Variants in KHDRBS2 observed in about 807,000 individuals in gnomAD.
KHDRBS2 encodes the protein KH RNA binding domain containing, signal transduction associated 2.
In KHDRBS2, 26 loss-of-function variants were observed where a neutral mutation model predicts 44.3. That is an observed-to-expected ratio of 0.59 (90% confidence interval 0.43 to 0.81). The LOEUF (loss-of-function observed/expected upper bound fraction) is 0.81, where lower values mean the gene tolerates loss of function less well. KHDRBS2 is among the 40% of genes least tolerant of loss of function. KHDRBS2 has a pLI of 0.00. For missense variants in KHDRBS2, 476 were observed against 433.1 expected (o/e 1.10, Z -0.88); for synonymous variants, 194 against 151.1 (o/e 1.28, Z -2.08).
At chr6:61,777,537 T>A (rs982885466) in intron 6 of KHDRBS2, among the ~76,000 whole-genome samples, 5 of 151,986 alleles carry the variant, frequency 3.3e-5, no homozygotes, top group Admixed American at 6.6e-5. Context: ...TGGAAAAAAA[T>A]TTAAAACTCA....
intron 3 of KHDRBS2, among the ~76,000 whole-genome samples, chr6:61,988,983 A>G (rs1039183637): frequency 5.3e-5 from 8 of 152,230 alleles, no homozygotes; most frequent in African/African-American, 1.9e-4. Context: ...GAAGTTGAGG[A>G]GATGAAATTC....
intron 1 of KHDRBS2, among the ~76,000 whole-genome samples, chr6:62,243,603 A>G (rs1835054281): frequency 1.6e-5 from 2 of 127,214 alleles, no homozygotes; most frequent in East Asian, 2.1e-4. Flanking sequence ...TCATACCTAT[A>G]CAAAAAAAAA....
intron 2 of KHDRBS2, among the ~76,000 whole-genome samples, chr6:62,104,310 A>G (rs1008141986): frequency 3.9e-5 from 6 of 152,004 alleles, no homozygotes; most frequent in Non-Finnish European, 7.4e-5. Flanking sequence ...TTTTAATTAT[A>G]CTTTAAGTTT....
intron 4 of KHDRBS2, among the ~76,000 whole-genome samples, chr6:61,955,172 G>T (rs1439830244): frequency 7.5e-6 from 1 of 133,656 alleles, no homozygotes; most frequent in Non-Finnish European, 1.7e-5. Flanking sequence ...ATACATATGT[G>T]TATATACACA....
intron 2 of KHDRBS2, among the ~76,000 whole-genome samples, chr6:62,161,364 ATAT>A (rs1344004507): frequency 3.3e-5 from 5 of 151,264 alleles, no homozygotes; most frequent in Admixed American, 6.6e-5. Flanking sequence ...AAAAAATAAA[ATAT>A]AATAATATAA....
chr6:62,085,841 G>A (rs796544256), intron 2 of KHDRBS2, among the ~76,000 whole-genome samples: 7 of 152,294 alleles, frequency 4.6e-5, no homozygotes, highest in African/African-American at 1.7e-4. Flanking sequence ...GAAAGACAGT[G>A]ATGGGAGGGA....
chr6:61,649,992 A>T, the KHDRBS2 span, among the ~76,000 whole-genome samples: 1 of 152,112 alleles, frequency 6.6e-6, no homozygotes, highest in African/African-American at 2.4e-5. Flanking sequence ...AAAACCCTGC[A>T]TCTTCAGACC....
At chr6:61,774,130 C>CT (rs1381292303) in intron 6 of KHDRBS2, among the ~76,000 whole-genome samples, 14 of 152,076 alleles carry the variant, frequency 9.2e-5, no homozygotes, top group African/African-American at 3.1e-4. Context: ...GATGCAGGCT[C>CT]TTTTTTGGTG....
At chr6:61,855,624 C>CTTTGTTTTGT (rs3076295) in intron 6 of KHDRBS2, among the ~76,000 whole-genome samples, 8,246 of 149,712 alleles carry the variant, frequency 0.055, 428 homozygotes, top group South Asian at 0.2. Context: ...ATGCCTGGTG[C>CTTTGTTTTGT]TTTGTTTTGT....
In KHDRBS2 at chr6:61,870,197, C is replaced by T. The variant is rs556542138; in HGVS notation, c.810+24438G>A. 5.3e-5 allele frequency among the ~76,000 whole-genome samples: 8 copies of T among 152,028 alleles called. No individual in the cohort carries two copies. In the South Asian group the frequency reaches 1.7e-3, roughly 32 times the overall value. The stretch of plus-strand genomic sequence containing the variant: ...GACCTGGGATGCTCGAGCTTGGTGG[C>T]GGTGTGGAGCGGGGTGGGCATTTGC... On this transcript the variant is annotated intron_variant, in intron 6 of 8. Coordinates refer to ENST00000281156, the MANE Select transcript of KHDRBS2 (RefSeq NM_152688.4).
intron 7 of KHDRBS2, among the ~76,000 whole-genome samples, chr6:61,730,568 T>C (rs1774292186): frequency 6.6e-6 from 1 of 151,994 alleles, no homozygotes; most frequent in African/African-American, 2.4e-5. Flanking sequence ...TATAGAAAAG[T>C]AAATATATGG....
intron 2 of KHDRBS2, among the ~76,000 whole-genome samples, chr6:62,145,084 A>T (rs543970093): frequency 6.6e-6 from 1 of 152,124 alleles, no homozygotes; most frequent in East Asian, 1.9e-4. Context: ...TACAGCTTGC[A>T]GAGCCATGAG....
chr6:62,105,776 C>A (rs979640678), intron 2 of KHDRBS2, among the ~76,000 whole-genome samples: 6 of 152,040 alleles, frequency 3.9e-5, no homozygotes, highest in African/African-American at 1.4e-4. Flanking sequence ...TCTCTATTTC[C>A]TTCAGTTCTG....
chr6:61,894,699 C>T lies in KHDRBS2; in HGVS notation c.746G>A (p.Gly249Glu). The part of the protein sequence containing the change: ...ARGVPTPRAR[G>E]APTVPGYRAP... Reference sequence around the variant, plus strand: ...CCTGTATCCTGGCACTGTTGGTGCCCCCCGGGCTCGAGGGGTAGGGACACC... The same window carrying T: ...CCTGTATCCTGGCACTGTTGGTGCCTCCCGGGCTCGAGGGGTAGGGACACC... Residue 249 changes from glycine to glutamate, a missense_variant, in exon 6 of 9, where the codon GGG (glycine) becomes GAG (glutamate). Transcript: ENST00000281156. The T allele has an allele frequency of 6.2e-7, 1 of 1,613,368 alleles. No individual in the cohort carries two copies. Among genetic ancestry groups the T allele is most frequent in the Non-Finnish European group, 8.5e-7 (1 of 1,179,734 alleles).
chr6:62,270,632 T>A (rs757388670), intron 1 of KHDRBS2, among the ~76,000 whole-genome samples: 2 of 152,066 alleles, frequency 1.3e-5, no homozygotes, highest in Non-Finnish European at 2.9e-5. Context: ...CACACAAGAC[T>A]ATACAATTAC....
intron 6 of KHDRBS2, among the ~76,000 whole-genome samples, chr6:61,765,608 A>G: frequency 6.6e-6 from 1 of 152,102 alleles, no homozygotes; most frequent in Non-Finnish European, 1.5e-5. Flanking sequence ...GTTCAGAATG[A>G]TACTAGCTGT....
intron 2 of KHDRBS2, among the ~76,000 whole-genome samples, chr6:62,139,613 C>A (rs550165592): frequency 6.6e-6 from 1 of 151,756 alleles, no homozygotes; most frequent in Non-Finnish European, 1.5e-5. Context: ...ACAAATATAT[C>A]TTTTGACTAC....
chr6:62,024,872 A>G (rs191074447), intron 3 of KHDRBS2, among the ~76,000 whole-genome samples: 14 of 151,794 alleles, frequency 9.2e-5, no homozygotes, highest in Admixed American at 7.2e-4. Context: ...AGTATTTATC[A>G]TGGTCCTCAT....
chr6:61,637,794 G>A, the KHDRBS2 span, among the ~76,000 whole-genome samples: 11 of 152,228 alleles, frequency 7.2e-5, no homozygotes, highest in East Asian at 2.1e-3. Flanking sequence ...GTGATGGTGA[G>A]CATTTTTTCA....
Sources: gnomAD v4.1 joint callset for allele counts (sites outside exome capture counted in the v4.1 genomes callset) on GRCh38, gnomAD v4.1.1 for gene constraint, MANE v1.5 for transcripts, NCBI Gene and HGNC (gene_info 2026-07-23, HGNC 2026-07-21) for gene names.